Variants in AHNAK2 observed in about 807,000 individuals in gnomAD.
AHNAK2 encodes the protein AHNAK nucleoprotein 2.
A neutral mutation model predicts 30.7 loss-of-function variants in AHNAK2; 18 were observed. The ratio of observed to expected loss-of-function variants is 0.59; its 90% CI spans 0.41 to 0.87. AHNAK2 has a LOEUF of 0.87. Ranked by LOEUF, AHNAK2 falls within the 40% of genes least tolerant of loss-of-function variation. AHNAK2 has a pLI of 0.00. For synonymous variants in AHNAK2, 3,590 were observed against 3,073.8 expected (o/e 1.17, Z -5.56); for missense variants, 8,604 against 7,373.0 (o/e 1.17, Z -6.11).
rs375065480 is a variant in AHNAK2 at position 104,953,263 on chromosome 14, C to T, written c.2188G>A (p.Ala730Thr). The T allele has an allele frequency of 1.8e-5, 29 of 1,612,898 alleles. No homozygotes were observed. Among genetic ancestry groups the T allele is most frequent in the Admixed American group, 5.0e-5 (3 of 59,948 alleles). ...TGGCCATCCTGGACCTCCAGGTCAG[C>T]GGAAGGGGTCTGGACGCTGAGGTCA... is the stretch of plus-strand genomic sequence containing the variant. ...TTDLSVQTPS[A>T]DLEVQDGQVD... The change falls in exon 7 of 7, where the codon GCT becomes ACT. Residue 730 changes from alanine to threonine, a missense_variant. Coordinates refer to ENST00000333244, the MANE Select transcript of AHNAK2 (RefSeq NM_138420.4).
intron 3 of AHNAK2, 74 bp from the exon 4 acceptor site, chr14:104,956,763 C>T (rs1898988061): frequency 2.1e-6 from 3 of 1,438,022 alleles, no homozygotes; most frequent in Non-Finnish European, 2.9e-6. Context: ...TAGGCTGGTG[C>T]CAGACCAGGA....
rs149453124 is a variant in AHNAK2 at position 104,952,721 on chromosome 14, G to T, written c.2730C>A (p.Ala910=). 3 of 1,611,842 alleles carry T rather than the reference G, an allele frequency of 1.9e-6. No individual in the cohort carries two copies. In the South Asian group the frequency reaches 3.3e-5, roughly 18 times the overall value. The change falls in exon 7 of 7, where the codon GCC becomes GCA. Residue 910 remains alanine (A), a synonymous_variant. Coordinates refer to ENST00000333244, the MANE Select transcript of AHNAK2 (RefSeq NM_138420.4). ...KLPEGPVPEG[A]GPKVHLPKVE... is the part of the protein sequence containing the mutation. ...CTTTGGGCAGGTGCACTTTGGGGCCGGCTCCCTCGGGCACAGGGCCCTCCG... is the reference window on the plus strand; with the variant it reads ...CTTTGGGCAGGTGCACTTTGGGGCCTGCTCCCTCGGGCACAGGGCCCTCCG...
In AHNAK2 at chr14:104,947,008, T is replaced by G. The variant is rs761785298; in HGVS notation, c.8443A>C (p.Met2815Leu). ...GMTAKDSKFKMPKFKMPSFGV... is the reference protein window; with the variant it reads ...GMTAKDSKFKLPKFKMPSFGV... ...AATGACGGCATCTTGAACTTGGGCA[T>G]TTTGAACTTGCTGTCTTTGGCTGTC... Residue 2815 changes from methionine (M) to leucine (L), a missense_variant, in exon 7 of 7, where the codon ATG becomes CTG. Physicochemically the swap from Met to Leu is conservative, Grantham distance 15. Transcript: ENST00000333244. The G allele has an allele frequency of 1.9e-6, 3 of 1,612,040 alleles. No individual in the cohort carries two copies. Among genetic ancestry groups the G allele is most frequent in the Non-Finnish European group, 2.5e-6 (3 of 1,179,502 alleles).
In AHNAK2 at chr14:104,942,548, G is replaced by A. The variant is rs564599080; in HGVS notation, c.12903C>T (p.Pro4301=). The change falls in exon 7 of 7, where the codon CCC becomes CCT. Residue 4301 remains proline (P), a synonymous_variant. Transcript: ENST00000333244. ...CCCCGAACGACGGCATCTTGAACTT[G>A]GGCATTTTGAACTTGCTGTCTTTGG... The part of the protein sequence containing the change: ...MTAKDSKFKM[P]KFKMPSFGVS... 1 of 1,613,134 alleles carries A rather than the reference G, an allele frequency of 6.2e-7. No homozygotes were observed. The highest frequency in any genetic ancestry group is 1.1e-5 in the South Asian group (1 of 91,042).
chr14:104,948,458 A>C lies in AHNAK2; in HGVS notation c.6993T>G (p.Ser2331=), dbSNP rs200863570. 7.6e-5 allele frequency: 122 copies of C among 1,610,414 alleles called. 1 individual carries two copies. The highest frequency in any genetic ancestry group is 3.9e-4 in the African/African-American group (29 of 73,870). Residue 2331 remains serine (S), a synonymous_variant, in exon 7 of 7, where the codon TCT becomes TCG. Transcript: ENST00000333244. ...AGGCCTCGATGGACTTGCCAAGGGC[A>C]GACACCCCAAACGACAGCATCTTGA... ...PKFKMLSFGV[S]ALGKSIEASA... is the part of the protein sequence containing the mutation.
Position 104,946,437 on chromosome 14 carries a change from G to C in AHNAK2, c.9014C>G (p.Ala3005Gly). The change falls in exon 7 of 7, where the codon GCG becomes GGG. Residue 3005 changes from alanine to glycine, a missense_variant. Transcript: ENST00000333244. ...KSIEVSVDVS[A>G]PKVEAEVSLP... ...GCTCACTTCGGCCTCCACCTTCGGC[G>C]CAGACACATCCACCGAGACCTCAAT... 1 of 1,611,900 alleles carries C rather than the reference G, an allele frequency of 6.2e-7. No homozygotes were observed. The highest frequency in any genetic ancestry group is 8.5e-7 in the Non-Finnish European group (1 of 1,179,394).
Position 104,942,711 on chromosome 14 carries a change from C to T in AHNAK2, c.12740G>A (p.Gly4247Asp), listed in dbSNP as rs772057708. The T allele has an allele frequency of 4.3e-6, 7 of 1,613,336 alleles. No individual in the cohort carries two copies. In the Admixed American group the frequency reaches 6.7e-5, roughly 15 times the overall value. ...GGGGGTCATCACATCCGCCTTGGGG[C>T]CTTTCAGGTCCAGCTTGGGGCCCTT... ...DVKGPKLDLK[G>D]PKADVMTPVV... The change falls in exon 7 of 7, where the codon GGC becomes GAC. Residue 4247 changes from glycine (G) to aspartate (D), a missense_variant. Physicochemically the swap from Gly to Asp is moderately conservative, Grantham distance 94. Coordinates refer to ENST00000333244, the MANE Select transcript of AHNAK2 (RefSeq NM_138420.4).
In AHNAK2 at chr14:104,942,493, A is replaced by G. The variant is rs569932129; in HGVS notation, c.12958T>C (p.Ser4320Pro). ...ACCTTCAGCGCAGACACATCCAACG[A>G]GGCCTCGATGGACTTGCCTGGGGCA... ...VSAPGKSIEASLDVSALKVEA... is the reference protein window; with the variant it reads ...VSAPGKSIEAPLDVSALKVEA... Residue 4320 changes from serine to proline, a missense_variant, in exon 7 of 7, where the codon TCG becomes CCG. Coordinates refer to ENST00000333244, the MANE Select transcript of AHNAK2 (RefSeq NM_138420.4). 3.1e-6 allele frequency: 5 copies of G among 1,612,680 alleles called. No homozygotes were observed. The highest frequency in any genetic ancestry group is 4.2e-6 in the Non-Finnish European group (5 of 1,179,458).
intron 1 of AHNAK2, among the ~76,000 whole-genome samples, chr14:104,964,291 C>T (rs896086886): frequency 1.3e-5 from 2 of 152,190 alleles, no homozygotes; most frequent in African/African-American, 4.8e-5. Flanking sequence ...CACGAGGTGC[C>T]ATATGCTCCC....
At position 104,966,337 on chromosome 14, in the gene AHNAK2, G is replaced by A. The variant is rs572076199; in HGVS notation, c.56-8665C>T. On this transcript the variant is annotated intron_variant, in intron 1 of 6. Transcript: ENST00000333244. This position sits in a 1 kb window ranked among gnomAD's most constrained non-coding sequence, Gnocchi z 4.3. Reference sequence around the variant, plus strand: ...CACCTGCCAAACCAGCCTTGCCCACGGTGTCAGCCCAAGAATTGTACCCCT... The same window carrying A: ...CACCTGCCAAACCAGCCTTGCCCACAGTGTCAGCCCAAGAATTGTACCCCT... 1.3e-4 allele frequency among the ~76,000 whole-genome samples: 19 copies of A among 151,512 alleles called. No homozygotes were observed. Among genetic ancestry groups the A allele is most frequent in the African/African-American group, 4.1e-4 (17 of 41,258 alleles).
rs1019290030 is a variant in AHNAK2 at position 104,966,172 on chromosome 14, C to A, written c.56-8500G>T. On this transcript the variant is annotated intron_variant, in intron 1 of 6. Coordinates refer to ENST00000333244, the MANE Select transcript of AHNAK2 (RefSeq NM_138420.4). The surrounding 1 kb of genome is among the most constrained non-coding windows in gnomAD (Gnocchi z 4.3). ...GAGAAGGGCAGGAGGTGAGGGCAGGCAGGGCTGGGTCAGTGCCAGGAGGCA... is the reference window on the plus strand; with the variant it reads ...GAGAAGGGCAGGAGGTGAGGGCAGGAAGGGCTGGGTCAGTGCCAGGAGGCA... 2.6e-5 allele frequency among the ~76,000 whole-genome samples: 4 copies of A among 152,148 alleles called. No individual in the cohort carries two copies. Among genetic ancestry groups the A allele is most frequent in the African/African-American group, 7.2e-5 (3 of 41,424 alleles).
rs1300169451 is a variant in AHNAK2 at position 104,953,299 on chromosome 14, G to A, written c.2152C>T (p.Leu718Phe). 6 of 1,612,760 alleles carry A rather than the reference G, an allele frequency of 3.7e-6. No individual in the cohort carries two copies. Among genetic ancestry groups the A allele is most frequent in the Admixed American group, 3.3e-5 (2 of 59,914 alleles). The change falls in exon 7 of 7, where the codon CTC (leucine) becomes TTC (phenylalanine). Residue 718 changes from leucine (L) to phenylalanine (F), a missense_variant. Transcript: ENST00000333244. ...DVSLLSMQGD[L>F]KTTDLSVQTP... ...TGGACGCTGAGGTCAGTGGTCTTGAGGTCCCCCTGCATGGAGAGGAGGCTC... is the reference window on the plus strand; with the variant it reads ...TGGACGCTGAGGTCAGTGGTCTTGAAGTCCCCCTGCATGGAGAGGAGGCTC...
rs745591254 is a variant in AHNAK2 at position 104,942,266 on chromosome 14, G to A, written c.13185C>T (p.Asp4395=). ...TAACGTCTATCTGGGGACCCTTGAG[G>A]TCCACTTTGGGTACCTTGAAACTGG... is the stretch of plus-strand genomic sequence containing the variant. ...QMPSFKVPKV[D]LKGPQIDVNV... Residue 4395 remains aspartate, a synonymous_variant, in exon 7 of 7, where the codon GAC becomes GAT. Coordinates refer to ENST00000333244, the MANE Select transcript of AHNAK2 (RefSeq NM_138420.4). 6.2e-7 allele frequency: 1 copy of A among 1,612,990 alleles called. No individual in the cohort carries two copies. Among genetic ancestry groups the A allele is most frequent in the African/African-American group, 1.3e-5 (1 of 74,758 alleles).
At position 104,944,733 on chromosome 14, in the gene AHNAK2, C is replaced by A. The variant is rs1358739291; in HGVS notation, c.10718G>T (p.Gly3573Val). 1.9e-6 allele frequency: 3 copies of A among 1,612,638 alleles called. No individual in the cohort carries two copies. Among genetic ancestry groups the A allele is most frequent in the Non-Finnish European group, 2.5e-6 (3 of 1,179,522 alleles). The change falls in exon 7 of 7, where the codon GGC becomes GTC. Residue 3573 changes from glycine to valine, a missense_variant. Coordinates refer to ENST00000333244, the MANE Select transcript of AHNAK2 (RefSeq NM_138420.4). ...SLKTPKVDLK[G>V]PQIDVKGPKL... ...GGGGCCCTTAACATCTATCTGGGGG[C>A]CCTTGAGGTCCACTTTGGGCGTCTT... is the stretch of plus-strand genomic sequence containing the variant.
At position 104,938,358 on chromosome 14, in the gene AHNAK2, C is replaced by T. The variant is rs767692317; in HGVS notation, c.17093G>A (p.Arg5698Gln). 4.5e-5 allele frequency: 73 copies of T among 1,613,830 alleles called. No individual in the cohort carries two copies. The highest frequency in any genetic ancestry group is 4.2e-4 in the Admixed American group (25 of 59,992). Residue 5698 changes from arginine to glutamine, a missense_variant, in exon 7 of 7, where the codon CGA becomes CAA. Physicochemically the swap from Arg to Gln is conservative, Grantham distance 43. Coordinates refer to ENST00000333244, the MANE Select transcript of AHNAK2 (RefSeq NM_138420.4). Reference protein sequence around the residue: ...PKKQEKAGWFRFPKLGFSSSP... With the variant: ...PKKQEKAGWFQFPKLGFSSSP... ...TGAGGAGAACCCTAATTTGGGAAAT[C>T]GGAACCAGCCTGCCTTCTCCTGTTT... is the stretch of plus-strand genomic sequence containing the variant.
At chr14:104,968,852 G>A (rs1899390166) in intron 1 of AHNAK2, among the ~76,000 whole-genome samples, 1 of 152,208 alleles carries the variant, frequency 6.6e-6, no homozygotes, top group African/African-American at 2.4e-5. Context: ...TGTCTGGCCT[G>A]GGCTCCTCCC....
At chr14:104,964,365 G>A (rs543221950) in intron 1 of AHNAK2, among the ~76,000 whole-genome samples, 5 of 152,158 alleles carry the variant, frequency 3.3e-5, no homozygotes, top group African/African-American at 7.2e-5. Context: ...AGGGCAGCTG[G>A]AACTCCATCC....
In AHNAK2 at chr14:104,947,558, C is replaced by A. The variant is rs367650805; in HGVS notation, c.7893G>T (p.Glu2631Asp). The A allele has an allele frequency of 4.3e-6, 7 of 1,612,998 alleles. No individual in the cohort carries two copies. The African/African-American group carries it at 5.4e-5, about 12-fold the overall frequency. Residue 2631 changes from glutamate (E) to aspartate (D), a missense_variant, in exon 7 of 7, where the codon GAG (glutamate) becomes GAT (aspartate). Transcript: ENST00000333244. ...CCTTGTCGGCCAGGGACAGGTCCCC[C>A]TCCAGCCGCGCACCATCCAGCTTTG... is the stretch of plus-strand genomic sequence containing the variant. ...PRAKLDGARL[E>D]GDLSLADKGV...
At position 104,940,874 on chromosome 14, in the gene AHNAK2, C is replaced by T. The variant is rs200600689; in HGVS notation, c.14577G>A (p.Gln4859=). Residue 4859 remains glutamine, a synonymous_variant, in exon 7 of 7, where the codon CAG becomes CAA. Transcript: ENST00000333244. This position sits in a 1 kb window ranked among gnomAD's most constrained non-coding sequence, Gnocchi z 4.4. Reference sequence around the variant, plus strand: ...GTTTATAGAATTTAGGAAAAGATACCTGACCAAGAGAAACAGGAATCATGG... The same window carrying T: ...GTTTATAGAATTTAGGAAAAGATACTTGACCAAGAGAAACAGGAATCATGG... ...LNSMIPVSLG[Q]VSFPKFYKPK... 3.7e-6 allele frequency: 6 copies of T among 1,612,716 alleles called. No individual in the cohort carries two copies. The African/African-American group carries it at 4.0e-5, about 11-fold the overall frequency.
Sources: allele counts gnomAD v4.1 joint callset (sites outside exome capture counted in the v4.1 genomes callset), GRCh38; gene constraint gnomAD v4.1.1; non-coding constraint Gnocchi (gnomAD v3.1); transcripts MANE v1.5; gene names NCBI Gene and HGNC (gene_info 2026-07-23, HGNC 2026-07-21).